Variants in CCSER1 observed in about 807,000 individuals in gnomAD.
CCSER1 encodes the protein coiled-coil serine rich protein 1, also known as serine-rich coiled-coil domain-containing protein 1.
A neutral mutation model predicts 82.0 loss-of-function variants in CCSER1; 41 were observed. The observed-to-expected ratio is 0.50, with a 90% CI of 0.39 to 0.65. The LOEUF (loss-of-function observed/expected upper bound fraction) is 0.65, where lower values mean the gene tolerates loss of function less well. Among genes scored for constraint, CCSER1 ranks in the 30% least tolerant of loss-of-function variants. CCSER1 has a pLI of 0.00. For synonymous variants in CCSER1, 414 were observed against 383.9 expected (o/e 1.08, Z -0.92); for missense variants, 1,119 against 1,064.2 (o/e 1.05, Z -0.72).
intron 1 of CCSER1, among the ~76,000 whole-genome samples, chr4:90,154,641 A>T (rs1413400723): frequency 6.8e-6 from 1 of 148,064 alleles, no homozygotes; most frequent in African/African-American, 2.5e-5. Context: ...CTTTGAAGCA[A>T]TTGTGAATGG....
chr4:91,461,354 C>T (rs975406574), intron 10 of CCSER1, among the ~76,000 whole-genome samples: 5 of 152,062 alleles, frequency 3.3e-5, no homozygotes, highest in African/African-American at 1.2e-4. Context: ...CCATTTTACA[C>T]GTGAGAAAAT....
intron 1 of CCSER1, among the ~76,000 whole-genome samples, chr4:90,214,116 G>T (rs1394435040): frequency 6.6e-6 from 1 of 152,168 alleles, no homozygotes; most frequent in Non-Finnish European, 1.5e-5. Flanking sequence ...TTTCTGGAAT[G>T]AGGCGATTAA....
intron 10 of CCSER1, among the ~76,000 whole-genome samples, chr4:91,461,494 G>T (rs945075183): frequency 6.6e-6 from 1 of 152,096 alleles, no homozygotes; most frequent in Non-Finnish European, 1.5e-5. Context: ...AAAAAGTATA[G>T]TTGTGGGACA....
intron 1 of CCSER1, among the ~76,000 whole-genome samples, chr4:90,266,278 A>G (rs563133347): frequency 6.6e-6 from 1 of 151,228 alleles, no homozygotes; most frequent in East Asian, 1.9e-4. Context: ...TACCCTTCCT[A>G]ATTTTCTCTA....
intron 7 of CCSER1, among the ~76,000 whole-genome samples, chr4:90,791,832 A>AAAAC (rs1554014617): frequency 4.6e-5 from 6 of 130,690 alleles, no homozygotes; most frequent in Non-Finnish European, 1.1e-4. Flanking sequence ...AAAAAAAAAA[A>AAAAC]ACACACACAC....
intron 10 of CCSER1, among the ~76,000 whole-genome samples, chr4:91,579,548 CAG>C (rs1560777767): frequency 6.6e-6 from 1 of 151,734 alleles, no homozygotes; most frequent in Non-Finnish European, 1.5e-5. Context: ...AAGGGTCTCT[CAG>C]AGAATAAGCT....
At chr4:90,937,735 T>C (rs1430469163) in intron 9 of CCSER1, among the ~76,000 whole-genome samples, 1 of 152,180 alleles carries the variant, frequency 6.6e-6, no homozygotes, top group African/African-American at 2.4e-5. Context: ...TCATCTGGAA[T>C]ACCTCTGCCC....
rs143074392 is a variant in CCSER1 at position 90,465,233 on chromosome 4, A to C, written c.1604-3001A>C. On this transcript the variant is annotated intron_variant, in intron 4 of 10. Coordinates refer to ENST00000509176, the MANE Select transcript of CCSER1 (RefSeq NM_001145065.2). The stretch of plus-strand genomic sequence containing the variant: ...CACCTCTGCCTCCCAAAGTGCTGGG[A>C]TTACAAGTGTGAACCACCGCCTCTG... Among the ~76,000 whole-genome samples the C allele has an allele frequency of 2.1e-4, 32 of 151,836 alleles. No individual in the cohort carries two copies. The East Asian group carries it at 3.3e-3, about 16-fold the overall frequency.
chr4:91,321,195 A>G (rs1217450756), intron 10 of CCSER1, among the ~76,000 whole-genome samples: 1 of 152,102 alleles, frequency 6.6e-6, no homozygotes, highest in Non-Finnish European at 1.5e-5. Flanking sequence ...TTTTCAATTC[A>G]GGCTCAAATA....
intron 9 of CCSER1, among the ~76,000 whole-genome samples, chr4:90,971,642 A>T (rs989589346): frequency 6.6e-6 from 1 of 152,020 alleles, no homozygotes; most frequent in Non-Finnish European, 1.5e-5. Context: ...AAAGGACAGT[A>T]TGCTTCAAAA....
chr4:91,497,187 G>A (rs767918639), intron 10 of CCSER1, among the ~76,000 whole-genome samples: 2 of 151,244 alleles, frequency 1.3e-5, no homozygotes, highest in African/African-American at 2.4e-5. Flanking sequence ...GAGGCCTTAG[G>A]TTCCTCCTAT....
chr4:91,571,240 T>G (rs898929211), intron 10 of CCSER1, among the ~76,000 whole-genome samples: 1 of 152,186 alleles, frequency 6.6e-6, no homozygotes, highest in Non-Finnish European at 1.5e-5. Context: ...CATTCCAAAC[T>G]TTCTCACATT....
chr4:90,801,108 C>A (rs958578632), intron 7 of CCSER1, among the ~76,000 whole-genome samples: 1 of 152,054 alleles, frequency 6.6e-6, no homozygotes, highest in Non-Finnish European at 1.5e-5. Flanking sequence ...AGAACATAGT[C>A]TCATGGAACT....
At chr4:90,611,059 C>CTTTTTTTTTTTCTT (rs1785419982) in intron 5 of CCSER1, among the ~76,000 whole-genome samples, 1 of 93,808 alleles carries the variant, frequency 1.1e-5, no homozygotes, top group Non-Finnish European at 1.9e-5. Flanking sequence ...CTTTTCTTTT[C>CTTTTTTTTTTTCTT]TTTTTTTTTT....
At chr4:91,528,014 G>A (rs866651507) in intron 10 of CCSER1, among the ~76,000 whole-genome samples, 6 of 151,940 alleles carry the variant, frequency 3.9e-5, no homozygotes, top group Non-Finnish European at 7.4e-5. Context: ...TCCCAGGATC[G>A]AACGATTCTC....
chr4:90,173,681 T>G (rs894553133), intron 1 of CCSER1, among the ~76,000 whole-genome samples: 1 of 151,926 alleles, frequency 6.6e-6, no homozygotes, highest in African/African-American at 2.4e-5. Flanking sequence ...ACCATCTATC[T>G]CACTATCATC....
At chr4:90,306,085 T>G (rs1373157290) in intron 1 of CCSER1, among the ~76,000 whole-genome samples, 1 of 152,064 alleles carries the variant, frequency 6.6e-6, no homozygotes, top group Non-Finnish European at 1.5e-5. Context: ...GAAAGACAAA[T>G]ATTGCATGAT....
chr4:90,778,166 C>T (rs1753201106), intron 7 of CCSER1, among the ~76,000 whole-genome samples: 1 of 152,108 alleles, frequency 6.6e-6, no homozygotes, highest in South Asian at 2.1e-4. Flanking sequence ...ATTATATTAT[C>T]TTGAACACTG....
Position 91,505,926 on chromosome 4 carries a change from A to G in CCSER1, c.2218-92646A>G, listed in dbSNP as rs536549922. 1.5e-3 allele frequency among the ~76,000 whole-genome samples: 226 copies of G among 152,276 alleles called. 1 individual carries two copies. Among genetic ancestry groups the G allele is most frequent in the African/African-American group, 5.2e-3 (216 of 41,562 alleles). On this transcript the variant is annotated intron_variant, in intron 10 of 10. Coordinates refer to ENST00000509176, the MANE Select transcript of CCSER1 (RefSeq NM_001145065.2). The stretch of plus-strand genomic sequence containing the variant: ...CTGATGATAGTTCCTTTTGCTGTGC[A>G]GAAGCTCTTTAATTAGATCCCATTT...
Sources: allele counts gnomAD v4.1 joint callset (sites outside exome capture counted in the v4.1 genomes callset), GRCh38; gene constraint gnomAD v4.1.1; transcripts MANE v1.5; gene names NCBI Gene and HGNC (gene_info 2026-07-23, HGNC 2026-07-21).